Variants in IL1RAPL1 observed in about 807,000 individuals in gnomAD.
IL1RAPL1 encodes interleukin-1 receptor accessory protein-like 1.
A neutral mutation model predicts 48.4 loss-of-function variants in IL1RAPL1; 3 were observed. The observed-to-expected ratio is 0.06, with a 90% CI of 0.03 to 0.16. IL1RAPL1 has a LOEUF of 0.16. IL1RAPL1 is among the 10% of genes least tolerant of loss of function. The probability of loss-of-function intolerance (pLI) is 1.00; values close to 1 mark genes in which losing one functional copy is unlikely to be tolerated. For missense variants in IL1RAPL1, 349 were observed against 530.6 expected, an observed-to-expected ratio of 0.66 and a Z score of 3.36; for synonymous variants, 185 against 187.7, an observed-to-expected ratio of 0.99 and a Z score of 0.12.
At position 29,719,434 on chromosome X, in the gene IL1RAPL1, A is replaced by C. The variant is rs150972134; in HGVS notation, c.778+50930A>C. 1.9e-3 allele frequency among the ~76,000 whole-genome samples: 214 copies of C among 111,449 alleles called. 2 individuals carry two copies. Among genetic ancestry groups the C allele is most frequent in the African/African-American group, 6.3e-3 (194 of 30,711 alleles). The stretch of plus-strand genomic sequence containing the variant: ...CTGCAAGGTAGGCATCAATTACCCA[A>C]TCCTTACCCAAAGTCACATGTCTAG... On this transcript the variant is annotated intron_variant, in intron 6 of 10. Coordinates refer to ENST00000378993, the MANE Select transcript of IL1RAPL1 (RefSeq NM_014271.4).
At chrX:29,941,556 A>T in intron 8 of IL1RAPL1, 95 bp from the exon 9 acceptor site, 1 of 926,944 alleles carries the variant, frequency 1.1e-6, no homozygotes, top group Admixed American at 2.2e-5. Context: ...CCCACATCTG[A>T]TCTCATCCAG....
At chrX:29,839,736 G>A (rs1256465558) in intron 6 of IL1RAPL1, among the ~76,000 whole-genome samples, 1 of 111,341 alleles carries the variant, frequency 9.0e-6, no homozygotes, top group Non-Finnish European at 1.9e-5. Context: ...GCCAACACAG[G>A]GAGAATTTGT....
At chrX:29,029,995 A>T (rs1184366004) in intron 2 of IL1RAPL1, among the ~76,000 whole-genome samples, 2 of 105,388 alleles carry the variant, frequency 1.9e-5, no homozygotes, top group Non-Finnish European at 1.9e-5. Flanking sequence ...CCATTGGTTG[A>T]AAAGGCTATC....
At chrX:28,598,918 G>A (rs1331725822) in intron 1 of IL1RAPL1, among the ~76,000 whole-genome samples, 4 of 105,734 alleles carry the variant, frequency 3.8e-5, no homozygotes, top group Non-Finnish European at 5.8e-5. Context: ...ATGAGCCACC[G>A]CACCCAGCCG....
intron 1 of IL1RAPL1, among the ~76,000 whole-genome samples, chrX:28,735,750 G>A (rs1935814613): frequency 9.0e-6 from 1 of 110,833 alleles, no homozygotes; most frequent in African/African-American, 3.3e-5. Context: ...AGACTGGACA[G>A]CAGGGCAATA....
At chrX:29,874,317 A>G (rs946535740) in intron 6 of IL1RAPL1, among the ~76,000 whole-genome samples, 1 of 104,164 alleles carries the variant, frequency 9.6e-6, no homozygotes, top group Non-Finnish European at 1.9e-5. Context: ...GGTTTTATGG[A>G]AAAAAAATGC....
intron 3 of IL1RAPL1, among the ~76,000 whole-genome samples, chrX:29,333,608 G>T (rs1247232201): frequency 2.3e-5 from 2 of 87,678 alleles, no homozygotes; most frequent in African/African-American, 4.6e-5. Flanking sequence ...CCTCCCAGAC[G>T]GGGCGGCTGG....
intron 2 of IL1RAPL1, among the ~76,000 whole-genome samples, chrX:29,171,561 G>A (rs755073557): frequency 9.0e-6 from 1 of 111,661 alleles, no homozygotes; most frequent in Non-Finnish European, 1.9e-5. Context: ...ATGATTAAAT[G>A]TAAAAAAGTA....
intron 5 of IL1RAPL1, among the ~76,000 whole-genome samples, chrX:29,507,975 T>G (rs780891576): frequency 8.9e-6 from 1 of 111,996 alleles, no homozygotes; most frequent in South Asian, 3.7e-4. Context: ...AGTATGTACT[T>G]GGAGAGAACT....
intron 2 of IL1RAPL1, among the ~76,000 whole-genome samples, chrX:28,801,022 C>A (rs1282545650): frequency 9.1e-6 from 1 of 109,369 alleles, no homozygotes; most frequent in Admixed American, 9.8e-5. Flanking sequence ...GCTGAGATTA[C>A]AGGCACCCGC....
chrX:28,846,456 T>A (rs919594604), intron 2 of IL1RAPL1, among the ~76,000 whole-genome samples: 7 of 111,729 alleles, frequency 6.3e-5, no homozygotes, highest in African/African-American at 2.3e-4. Context: ...GTGTGACTAC[T>A]GAGTCATATG....
intron 6 of IL1RAPL1, among the ~76,000 whole-genome samples, chrX:29,688,410 G>T (rs1231480094): frequency 9.0e-6 from 1 of 111,244 alleles, no homozygotes; most frequent in East Asian, 2.8e-4. Flanking sequence ...CTCTTCCTCT[G>T]CCTTTTCTTT....
chrX:29,275,767 T>A (rs1431827230), intron 2 of IL1RAPL1, among the ~76,000 whole-genome samples: 2 of 112,097 alleles, frequency 1.8e-5, no homozygotes, highest in Non-Finnish European at 3.8e-5. Context: ...TCAAGGGTGA[T>A]GCAAGTCTCA....
rs1216131126 is a variant in IL1RAPL1, at chrX:28,764,590, T to C, written c.-24-24730T>C. On this transcript the variant is annotated intron_variant, in intron 1 of 10. Transcript: ENST00000378993. The stretch of plus-strand genomic sequence containing the variant: ...TAAGATTTTCAATTTAACAGACATA[T>C]TCTATGTGTACATATTTGCATGATA... 2.7e-5 allele frequency among the ~76,000 whole-genome samples: 3 copies of C among 111,407 alleles called. No individual in the cohort carries two copies. In the East Asian group the frequency reaches 8.5e-4, roughly 32 times the overall value.
chrX:28,927,730 CAGTTGACT>C (rs1923783442), intron 2 of IL1RAPL1, among the ~76,000 whole-genome samples: 1 of 109,857 alleles, frequency 9.1e-6, no homozygotes. Flanking sequence ...GAATTTGGCA[CAGTTGACT>C]ACTTGCTCCT....
intron 5 of IL1RAPL1, among the ~76,000 whole-genome samples, chrX:29,600,433 G>A (rs1923683824): frequency 8.9e-6 from 1 of 111,924 alleles, no homozygotes; most frequent in Admixed American, 9.4e-5. Context: ...TATCAGGGGA[G>A]TGAAGTGGAC....
chrX:28,668,269 T>C (rs1207657491), intron 1 of IL1RAPL1, among the ~76,000 whole-genome samples: 1 of 111,861 alleles, frequency 8.9e-6, no homozygotes, highest in Non-Finnish European at 1.9e-5. Flanking sequence ...GTTTTTTTTT[T>C]CTTTTTTGAG....
chrX:29,086,179 C>G (rs1311274408), intron 2 of IL1RAPL1, among the ~76,000 whole-genome samples: 1 of 112,288 alleles, frequency 8.9e-6, no homozygotes, highest in African/African-American at 3.2e-5. Flanking sequence ...ATGTGAAAAT[C>G]AAAGTCTAGC....
chrX:29,233,360 T>A (rs1445258365), intron 2 of IL1RAPL1, among the ~76,000 whole-genome samples: 2 of 111,652 alleles, frequency 1.8e-5, no homozygotes, highest in Non-Finnish European at 1.9e-5. Context: ...CAAATCAAAT[T>A]AGTTATCTTT....
Sources: gnomAD v4.1 joint callset for allele counts (sites outside exome capture counted in the v4.1 genomes callset) on GRCh38, gnomAD v4.1.1 for gene constraint, MANE v1.5 for transcripts, NCBI Gene and HGNC (gene_info 2026-07-23, HGNC 2026-07-21) for gene names.